Variants in PCDHAC1 observed in about 807,000 individuals in gnomAD.
PCDHAC1 encodes the protein protocadherin alpha subfamily C, 1.
In PCDHAC1, 42 loss-of-function variants were observed where a neutral mutation model predicts 60.0. That is an observed-to-expected ratio of 0.70 (90% CI 0.55 to 0.90). The LOEUF is 0.90. PCDHAC1 is among the 40% of genes least tolerant of loss of function. PCDHAC1 has a pLI of 0.00. For missense variants in PCDHAC1, 1,160 were observed against 1,222.3 expected (o/e 0.95, Z 0.76); for synonymous variants, 468 against 499.3 (o/e 0.94, Z 0.84).
chr5:140,959,300 C>T (rs887685405), intron 1 of PCDHAC1, among the ~76,000 whole-genome samples: 11 of 151,854 alleles, frequency 7.2e-5, no homozygotes, highest in African/African-American at 2.7e-4. Flanking sequence ...TCACTGAGCC[C>T]GGTGGTTGAA....
chr5:141,008,022 T>C (rs1355928123), intron 3 of PCDHAC1, among the ~76,000 whole-genome samples: 3 of 152,226 alleles, frequency 2.0e-5, no homozygotes, highest in Non-Finnish European at 4.4e-5. Context: ...TCCTTTTTTT[T>C]CTTGTTAATC....
At chr5:140,965,994 T>C (rs1377339531) in intron 1 of PCDHAC1, among the ~76,000 whole-genome samples, 1 of 152,130 alleles carries the variant, frequency 6.6e-6, no homozygotes, top group Non-Finnish European at 1.5e-5. Context: ...TCTGCAGTAC[T>C]TAAGAGTGTC....
In PCDHAC1 at chr5:140,929,112, C is replaced by T; in HGVS notation, c.2220C>T (p.Ala740=). 3.7e-6 allele frequency: 6 copies of T among 1,614,130 alleles called. No homozygotes were observed. Among genetic ancestry groups the T allele is most frequent in the Non-Finnish European group, 5.1e-6 (6 of 1,179,988 alleles). The change falls in exon 1 of 4, where the codon GCC becomes GCT. Residue 740 remains alanine, a synonymous_variant. Coordinates refer to ENST00000253807, the MANE Select transcript of PCDHAC1 (RefSeq NM_018898.5). Reference sequence around the variant, plus strand: ...TTTCAAATCCTTGCATGACATCAGCCACCATAGATGTCACTACAGTTGAGA... The same window carrying T: ...TTTCAAATCCTTGCATGACATCAGCTACCATAGATGTCACTACAGTTGAGA... ...KMVSNPCMTS[A]TIDVTTVERL...
At chr5:140,941,247 CT>C (rs1398354432) in intron 1 of PCDHAC1, among the ~76,000 whole-genome samples, 1 of 128,506 alleles carries the variant, frequency 7.8e-6, no homozygotes, top group African/African-American at 2.9e-5. Context: ...TTCTTTCTTT[CT>C]TTCTTTCTCT....
chr5:140,942,280 C>T (rs1157451404), intron 1 of PCDHAC1, among the ~76,000 whole-genome samples: 6 of 152,030 alleles, frequency 3.9e-5, no homozygotes, highest in African/African-American at 1.5e-4. Context: ...AATGGTGGCT[C>T]ATGCCTGTAA....
At chr5:140,941,202 CCTTTCTTT>C (rs797023184) in intron 1 of PCDHAC1, among the ~76,000 whole-genome samples, 5 of 122,740 alleles carry the variant, frequency 4.1e-5, no homozygotes, top group Non-Finnish European at 9.0e-5. Context: ...TTTCTTTCTT[CCTTTCTTT>C]CTTCCTTTCT....
At chr5:140,999,521 T>C (rs1554256849) in intron 3 of PCDHAC1, among the ~76,000 whole-genome samples, 1 of 152,106 alleles carries the variant, frequency 6.6e-6, no homozygotes, top group Non-Finnish European at 1.5e-5. Flanking sequence ...AGCATTTTGT[T>C]ACCCCCTGGA....
At position 140,985,395 on chromosome 5, in the gene PCDHAC1, C is replaced by G. The variant is rs377641758; in HGVS notation, c.2581+2832C>G. 2.6e-5 allele frequency among the ~76,000 whole-genome samples: 4 copies of G among 152,302 alleles called. No individual in the cohort carries two copies. The East Asian group carries it at 7.7e-4, about 29-fold the overall frequency. On this transcript the variant is annotated intron_variant, in intron 3 of 3. Coordinates refer to ENST00000253807, the MANE Select transcript of PCDHAC1 (RefSeq NM_018898.5). ...GGTCTATATAATCCAGTCACCCCAACTGTTCCCCTGGAAATGGAGTGAGGA... is the reference window on the plus strand; with the variant it reads ...GGTCTATATAATCCAGTCACCCCAAGTGTTCCCCTGGAAATGGAGTGAGGA...
At chr5:140,984,052 A>G (rs2097083396) in intron 3 of PCDHAC1, among the ~76,000 whole-genome samples, 2 of 152,204 alleles carry the variant, frequency 1.3e-5, no homozygotes, top group African/African-American at 4.8e-5. Context: ...TCATTGACAA[A>G]TCTGTACCCT....
intron 1 of PCDHAC1, chr5:140,967,070 A>C (rs781831975): frequency 6.2e-7 from 1 of 1,613,072 alleles, no homozygotes; most frequent in South Asian, 1.1e-5. Context: ...GCTCTTCGTC[A>C]ACGAGCGCAT....
At chr5:140,955,652 A>T (rs1452679583) in intron 1 of PCDHAC1, among the ~76,000 whole-genome samples, 2 of 152,180 alleles carry the variant, frequency 1.3e-5, no homozygotes, top group African/African-American at 4.8e-5. Context: ...ATTAATACAC[A>T]TATGAATTTT....
rs1554206364 is a variant in PCDHAC1, at chr5:140,928,827, A to G, written c.1935A>G (p.Pro645=). 6.2e-7 allele frequency: 1 copy of G among 1,614,130 alleles called. No individual in the cohort carries two copies. ...TGGTTCGGGACCATGGAGACCCACC[A>G]CTTTCCTCCTCTGTCACTCTGGGTG... ...VVVVRDHGDP[P]LSSSVTLGVL... Residue 645 remains proline, a synonymous_variant, in exon 1 of 4, where the codon CCA becomes CCG. Coordinates refer to ENST00000253807, the MANE Select transcript of PCDHAC1 (RefSeq NM_018898.5).
chr5:140,947,570 TG>T (rs2094146227), intron 1 of PCDHAC1, among the ~76,000 whole-genome samples: 1 of 151,820 alleles, frequency 6.6e-6, no homozygotes, highest in African/African-American at 2.4e-5. Flanking sequence ...ATATTGGGAA[TG>T]TTTTTAACAT....
chr5:140,941,191 TTTTCTTTCTTCCTTTCTTTCTTCC>T (rs1293685535), intron 1 of PCDHAC1, among the ~76,000 whole-genome samples: 31 of 93,206 alleles, frequency 3.3e-4, no homozygotes, highest in African/African-American at 1.1e-3. Context: ...GCTTCTTTTT[TTTTCTTTCTTCCTTTCTTTCTTCC>T]TTTCTTTCTT....
intron 1 of PCDHAC1, chr5:140,966,656 G>A: frequency 8.3e-7 from 1 of 1,203,372 alleles, no homozygotes; most frequent in East Asian, 3.0e-5. Flanking sequence ...GTGAGCGGTG[G>A]GGGAGCAGGC....
intron 3 of PCDHAC1, among the ~76,000 whole-genome samples, chr5:140,999,495 A>G (rs868986339): frequency 6.6e-6 from 1 of 152,142 alleles, no homozygotes; most frequent in South Asian, 2.1e-4. Flanking sequence ...TATGTTACCC[A>G]AGAACCTACA....
chr5:140,979,514 C>G lies in PCDHAC1; in HGVS notation c.2492+507C>G, dbSNP rs75440413. On this transcript the variant is annotated intron_variant, in intron 2 of 3. Transcript: ENST00000253807. Reference sequence around the variant, plus strand: ...ATTAGAGCCTCCTCATCTTTCCCATCTGTTGCTATCTTATTGTCATCAATG... The same window carrying G: ...ATTAGAGCCTCCTCATCTTTCCCATGTGTTGCTATCTTATTGTCATCAATG... 4.7e-4 allele frequency among the ~76,000 whole-genome samples: 71 copies of G among 152,274 alleles called. 1 individual carries two copies. In the East Asian group the frequency reaches 0.014, roughly 29 times the overall value.
intron 1 of PCDHAC1, among the ~76,000 whole-genome samples, chr5:140,932,460 A>G (rs1275552236): frequency 6.6e-6 from 1 of 151,902 alleles, no homozygotes; most frequent in Non-Finnish European, 1.5e-5. Flanking sequence ...TTGCCAGGGT[A>G]TATAGGAAAT....
rs782699904 is a variant in PCDHAC1 at position 140,969,414 on chromosome 5, G to A, written c.2434-9535G>A. The A allele has an allele frequency of 6.4e-6, 10 of 1,566,012 alleles. No homozygotes were observed. The Admixed American group carries it at 1.3e-4, about 21-fold the overall frequency. On this transcript the variant is annotated intron_variant, in intron 1 of 3. Coordinates refer to ENST00000253807, the MANE Select transcript of PCDHAC1 (RefSeq NM_018898.5). ...ATATCCTGTGATTTGGCTTTATTGA[G>A]TCATTAACAGTGACAAGAGTTATCT...
Sources: allele counts gnomAD v4.1 joint callset (sites outside exome capture counted in the v4.1 genomes callset), GRCh38; gene constraint gnomAD v4.1.1; transcripts MANE v1.5; gene names NCBI Gene and HGNC (gene_info 2026-07-23, HGNC 2026-07-21).